KIF6: variants seen among roughly 807,000 people sequenced by gnomAD.
KIF6 encodes kinesin-like protein KIF6.
Under a neutral mutation model 112.7 loss-of-function variants are expected in KIF6, and 106 were observed. That is an observed-to-expected ratio of 0.94 (90% confidence interval 0.80 to 1.11). The LOEUF is 1.11. KIF6 is among the 50% of genes least tolerant of loss of function. The pLI, the probability that KIF6 is intolerant of heterozygous loss-of-function variation, is 0.00. For synonymous variants in KIF6, 339 were observed against 339.9 expected, an observed-to-expected ratio of 1.00 and a Z score of 0.03; for missense variants, 929 against 964.0, an observed-to-expected ratio of 0.96 and a Z score of 0.48.
intron 4 of KIF6, among the ~76,000 whole-genome samples, chr6:39,636,521 G>T (rs192798778): frequency 6.6e-6 from 1 of 152,034 alleles, no homozygotes; most frequent in African/African-American, 2.4e-5. Flanking sequence ...AATTCTTTGG[G>T]TTATAACTTG....
intron 13 of KIF6, among the ~76,000 whole-genome samples, chr6:39,533,852 T>G (rs1286991796): frequency 6.6e-6 from 1 of 152,166 alleles, no homozygotes; most frequent in Admixed American, 6.5e-5. Context: ...CGGGTACTCC[T>G]CTGAGACAAA....
chr6:39,438,233 C>A (rs1366059604), intron 13 of KIF6, among the ~76,000 whole-genome samples: 1 of 152,186 alleles, frequency 6.6e-6, no homozygotes, highest in Admixed American at 6.5e-5. Flanking sequence ...CTCAGCCTCC[C>A]AAAGTACTGG....
At chr6:39,710,804 G>A (rs916360817) in intron 3 of KIF6, among the ~76,000 whole-genome samples, 1 of 152,062 alleles carries the variant, frequency 6.6e-6, no homozygotes, top group Admixed American at 6.6e-5. Context: ...AGGAGGCCGA[G>A]GTGGGAGGAT....
intron 3 of KIF6, among the ~76,000 whole-genome samples, chr6:39,713,490 G>A (rs1026174580): frequency 6.6e-6 from 1 of 152,176 alleles, no homozygotes; most frequent in Non-Finnish European, 1.5e-5. Flanking sequence ...GGCTGGAGGA[G>A]AAAGTGGGGT....
intron 16 of KIF6, among the ~76,000 whole-genome samples, chr6:39,373,193 A>G (rs1032902110): frequency 6.6e-6 from 1 of 152,254 alleles, no homozygotes; most frequent in African/African-American, 2.4e-5. Flanking sequence ...ATTTCTGCAC[A>G]GTTGCATGAT....
At chr6:39,362,710 C>T (rs977849207) in intron 16 of KIF6, among the ~76,000 whole-genome samples, 192 bp from the exon 17 acceptor site, 1 of 152,138 alleles carries the variant, frequency 6.6e-6, no homozygotes, top group Admixed American at 6.5e-5. Context: ...GGTTATTGTC[C>T]CTCTGCTGTC....
At chr6:39,689,906 C>A (rs543306650) in intron 3 of KIF6, 1 of 152,210 alleles carries the variant, frequency 6.6e-6, no homozygotes, top group South Asian at 2.1e-4. Context: ...ACCATCGCAC[C>A]CAGTCAGTAC....
chr6:39,394,593 T>G (rs1768121880), intron 15 of KIF6, among the ~76,000 whole-genome samples: 1 of 152,208 alleles, frequency 6.6e-6, no homozygotes, highest in African/African-American at 2.4e-5. Context: ...GGGGCACCTC[T>G]GAGAAGCCTT....
At chr6:39,713,586 A>G (rs1366519212) in intron 3 of KIF6, among the ~76,000 whole-genome samples, 1 of 152,220 alleles carries the variant, frequency 6.6e-6, no homozygotes, top group Admixed American at 6.5e-5. Flanking sequence ...GATGTTAGGA[A>G]GTTTAAAAAT....
intron 22 of KIF6, among the ~76,000 whole-genome samples, chr6:39,340,152 G>C (rs1341739497): frequency 6.6e-6 from 1 of 152,248 alleles, no homozygotes; most frequent in Non-Finnish European, 1.5e-5. Context: ...CCTGGTGGCA[G>C]AGGGACCCCG....
chr6:39,679,023 A>T (rs993422987), intron 3 of KIF6, among the ~76,000 whole-genome samples: 1 of 152,248 alleles, frequency 6.6e-6, no homozygotes, highest in Non-Finnish European at 1.5e-5. Context: ...GCAGAATTTT[A>T]AAAGGAAGAA....
intron 13 of KIF6, among the ~76,000 whole-genome samples, chr6:39,510,872 C>CAAAAAAAAAA (rs1180631310): frequency 8.4e-5 from 2 of 23,868 alleles, no homozygotes; most frequent in Admixed American, 6.3e-4. Flanking sequence ...AAATGGGAAG[C>CAAAAAAAAAA]AAAAAAAAAA....
intron 13 of KIF6, among the ~76,000 whole-genome samples, chr6:39,454,952 C>T (rs1273251865): frequency 3.3e-5 from 5 of 152,058 alleles, no homozygotes; most frequent in Admixed American, 6.5e-5. Context: ...GAGGGGCGCC[C>T]GCCATTGCCC....
chr6:39,702,805 A>C (rs1228984679), intron 3 of KIF6, among the ~76,000 whole-genome samples: 1 of 152,216 alleles, frequency 6.6e-6, no homozygotes, highest in Non-Finnish European at 1.5e-5. Flanking sequence ...ATGAATGTCA[A>C]ATGAAGTTTC....
At chr6:39,418,523 TACA>T (rs1301875456) in intron 15 of KIF6, among the ~76,000 whole-genome samples, 3 of 152,360 alleles carry the variant, frequency 2.0e-5, no homozygotes, top group African/African-American at 7.2e-5. Context: ...AAAGATATTT[TACA>T]ACGTCTGCCC....
chr6:39,645,785 C>A (rs895794821), intron 3 of KIF6, among the ~76,000 whole-genome samples: 1 of 152,028 alleles, frequency 6.6e-6, no homozygotes, highest in African/African-American at 2.4e-5. Flanking sequence ...GAATACTATG[C>A]GGCCATAAAA....
At chr6:39,600,252 C>G (rs942648960) in intron 6 of KIF6, among the ~76,000 whole-genome samples, 4 of 152,172 alleles carry the variant, frequency 2.6e-5, no homozygotes, top group Non-Finnish European at 5.9e-5. Context: ...AACAAATGTG[C>G]TTTTGGCACT....
At chr6:39,682,784 T>A (rs1787609231) in intron 3 of KIF6, among the ~76,000 whole-genome samples, 1 of 152,196 alleles carries the variant, frequency 6.6e-6, no homozygotes. Flanking sequence ...TTCACCATGT[T>A]GGTCAGGCTG....
intron 16 of KIF6, among the ~76,000 whole-genome samples, chr6:39,363,148 TCAAACAAACAAACAAAAA>T (rs1765294463): frequency 6.6e-6 from 1 of 152,058 alleles, no homozygotes; most frequent in African/African-American, 2.4e-5. Context: ...AAACTCCATC[TCAAACAAACAAACAAAAA>T]CAAACAGATA....
Sources: allele counts gnomAD v4.1 joint callset (sites outside exome capture counted in the v4.1 genomes callset), GRCh38; gene constraint gnomAD v4.1.1; transcripts MANE v1.5; gene names NCBI Gene and HGNC (gene_info 2026-07-23, HGNC 2026-07-21).